The following EPHX1 variants were observed in gnomAD, a reference collection of about 807,000 sequenced individuals.
The protein encoded by EPHX1 is epoxide hydrolase 1, also known as epoxide hydratase.
EPHX1 carries 40 observed loss-of-function variants against 43.2 expected under a neutral mutation model. The ratio of observed to expected loss-of-function variants is 0.93; its 90% CI spans 0.72 to 1.21. The LOEUF (loss-of-function observed/expected upper bound fraction) is 1.21, where lower values mean the gene tolerates loss of function less well. Ranked by LOEUF, EPHX1 falls within the 50% of genes most tolerant of loss-of-function variation. The pLI, the probability that EPHX1 is intolerant of heterozygous loss-of-function variation, is 0.00. For missense variants in EPHX1, 550 were observed against 570.4 expected, an observed-to-expected ratio of 0.96 and a Z score of 0.36; for synonymous variants, 221 against 226.7, an observed-to-expected ratio of 0.98 and a Z score of 0.22.
chr1:225,829,423 G>C (rs1050416597), intron 2 of EPHX1, among the ~76,000 whole-genome samples: 2 of 152,210 alleles, frequency 1.3e-5, no homozygotes, highest in African/African-American at 4.8e-5. Flanking sequence ...AAGCTCAGGG[G>C]CATAAAGCAA....
Position 225,817,703 on chromosome 1 carries a change from A to G in EPHX1, c.-6+7534A>G, listed in dbSNP as rs1666789689. ...GGCTTTTCACGCTGCTGTGAGTCTCAGTCACTATTAGAGAAACACAGTCAG... is the reference window on the plus strand; with the variant it reads ...GGCTTTTCACGCTGCTGTGAGTCTCGGTCACTATTAGAGAAACACAGTCAG... On this transcript the variant is annotated intron_variant, in intron 1 of 8. Transcript: ENST00000272167. The surrounding 1 kb of genome is among the most constrained non-coding windows in gnomAD (Gnocchi z 5.7). 6.6e-6 allele frequency among the ~76,000 whole-genome samples: 1 copy of G among 152,208 alleles called. No individual in the cohort carries two copies. Among genetic ancestry groups the G allele is most frequent in the South Asian group, 2.1e-4 (1 of 4,838 alleles).
In EPHX1 at chr1:225,833,271, A is replaced by T. The variant is rs1667719921; in HGVS notation, c.364+1312A>T. On this transcript the variant is annotated intron_variant, in intron 3 of 8. Transcript: ENST00000272167. ...GAAGATTTTAATTTGTTAAAATTCTAGGAATTACTTAAAGTGTATGAAAGA... is the reference window on the plus strand; with the variant it reads ...GAAGATTTTAATTTGTTAAAATTCTTGGAATTACTTAAAGTGTATGAAAGA... 2.6e-5 allele frequency among the ~76,000 whole-genome samples: 4 copies of T among 152,264 alleles called. No homozygotes were observed. In the South Asian group the frequency reaches 8.3e-4, roughly 31 times the overall value.
chr1:225,826,270 C>T (rs936304181), intron 1 of EPHX1, among the ~76,000 whole-genome samples: 8 of 151,956 alleles, frequency 5.3e-5, no homozygotes, highest in Non-Finnish European at 1.0e-4. Context: ...TTGAGACCAG[C>T]CTGGCCAACA....
chr1:225,839,925 CCTCA>C lies in EPHX1; in HGVS notation c.822_825del (p.Thr275ArgfsTer18), dbSNP rs757685944. 3.1e-6 allele frequency: 5 copies of C among 1,614,256 alleles called. No individual in the cohort carries two copies. Among genetic ancestry groups the C allele is most frequent in the Non-Finnish European group, 4.2e-6 (5 of 1,180,048 alleles). On this transcript the variant is annotated frameshift_variant, in exon 6 of 9. Coordinates refer to ENST00000272167, the MANE Select transcript of EPHX1 (RefSeq NM_001136018.4). LOFTEE classifies it high-confidence loss of function. ...GACAGCGTTTCGGGAGGTTTCTTGG[CCTCA>C]CTGAGAGGGATGTGGAGCTGCTGTA...
At chr1:225,842,949 ACT>A (rs1235556697) in intron 7 of EPHX1, among the ~76,000 whole-genome samples, 4 of 152,124 alleles carry the variant, frequency 2.6e-5, no homozygotes, top group Non-Finnish European at 5.9e-5. Flanking sequence ...CTGTGGCCTG[ACT>A]CAGGCTTCAC....
chr1:225,829,903 G>A (rs762790386), intron 2 of EPHX1, among the ~76,000 whole-genome samples: 23 of 151,924 alleles, frequency 1.5e-4, no homozygotes, highest in Non-Finnish European at 2.1e-4. Flanking sequence ...GTGAAACCCC[G>A]TCTCTACTAA....
intron 3 of EPHX1, among the ~76,000 whole-genome samples, chr1:225,837,168 A>G (rs41410550): frequency 0.051 from 7,735 of 152,334 alleles, 231 homozygotes; most frequent in African/African-American, 0.076. Context: ...TGTTTTCTTT[A>G]GAGAGTGGGA....
Position 225,839,206 on chromosome 1 carries a change from A to G in EPHX1, c.593-11A>G. ...ACTCCGTGACTCCATGCCTTTCCCC[A>G]TCACTGCCAGGGTTCAACTCGGTGG... On this transcript the variant is annotated splice_polypyrimidine_tract_variant and intron_variant, in intron 4 of 8. Coordinates refer to ENST00000272167, the MANE Select transcript of EPHX1 (RefSeq NM_001136018.4). 2.5e-6 allele frequency: 4 copies of G among 1,613,984 alleles called. No individual in the cohort carries two copies. The highest frequency in any genetic ancestry group is 3.4e-6 in the Non-Finnish European group (4 of 1,180,004).
At position 225,845,224 on chromosome 1, in the gene EPHX1, C is replaced by G. The variant is rs759386862; in HGVS notation, c.1245C>G (p.Phe415Leu). 1.9e-6 allele frequency: 3 copies of G among 1,614,120 alleles called. 1 individual carries two copies. The South Asian group carries it at 3.3e-5, about 18-fold the overall frequency. The change falls in exon 9 of 9, where the codon TTC (phenylalanine) becomes TTG (leucine). Residue 415 changes from phenylalanine to leucine, a missense_variant. Transcript: ENST00000272167. ...LLHTPEKWVR[F>L]KYPKLISYSY... The stretch of plus-strand genomic sequence containing the variant: ...ACACGCCTGAAAAGTGGGTGAGGTT[C>G]AAGTACCCAAAGCTCATCTCCTATT...
chr1:225,827,020 G>C (rs1244598733), intron 1 of EPHX1, among the ~76,000 whole-genome samples: 1 of 152,160 alleles, frequency 6.6e-6, no homozygotes, highest in African/African-American at 2.4e-5. Flanking sequence ...ATCGCCCTGG[G>C]TGGATTTCTG....
At position 225,839,342 on chromosome 1, in the gene EPHX1, C is replaced by G. The variant is rs1198876640; in HGVS notation, c.718C>G (p.Pro240Ala). The stretch of plus-strand genomic sequence containing the variant: ...CTGCACTAATATGGCCCAGCTGGTG[C>G]CCAGGTGAGGTCACTGTTGGGGTGG... ...LICTNMAQLVPSHVKGLHLNM... is the reference protein window; with the variant it reads ...LICTNMAQLVASHVKGLHLNM... Residue 240 changes from proline (P) to alanine (A), a missense_variant, in exon 5 of 9, where the codon CCC becomes GCC. Transcript: ENST00000272167. 8.1e-6 allele frequency: 13 copies of G among 1,612,466 alleles called. No homozygotes were observed. The highest frequency in any genetic ancestry group is 1.1e-5 in the South Asian group (1 of 91,006).
chr1:225,817,304 C>T lies in EPHX1; in HGVS notation c.-6+7135C>T, dbSNP rs1666769601. Among the ~76,000 whole-genome samples, 1 of 152,190 alleles carries T rather than the reference C, an allele frequency of 6.6e-6. No individual in the cohort carries two copies. The highest frequency in any genetic ancestry group is 1.5e-5 in the Non-Finnish European group (1 of 68,014). ...AGTGGGGCTGGGAGCTTCAGGATGGCTTTTGGGAAGCCCCTGGGAGCCCCA... is the reference window on the plus strand; with the variant it reads ...AGTGGGGCTGGGAGCTTCAGGATGGTTTTTGGGAAGCCCCTGGGAGCCCCA... On this transcript the variant is annotated intron_variant, in intron 1 of 8. Coordinates refer to ENST00000272167, the MANE Select transcript of EPHX1 (RefSeq NM_001136018.4). The surrounding 1 kb of genome is among the most constrained non-coding windows in gnomAD (Gnocchi z 5.7).
At chr1:225,837,815 A>G (rs575716947) in intron 3 of EPHX1, among the ~76,000 whole-genome samples, 127 of 152,310 alleles carry the variant, frequency 8.3e-4, no homozygotes, top group African/African-American at 2.5e-3. Context: ...CCACCACACC[A>G]GGCCCAAAAA....
At chr1:225,832,723 T>C (rs765537617) in intron 3 of EPHX1, among the ~76,000 whole-genome samples, 8 of 152,218 alleles carry the variant, frequency 5.3e-5, no homozygotes, top group Non-Finnish European at 1.0e-4. Context: ...TTTTCCTTTC[T>C]TTTTTTCGGT....
At chr1:225,840,445 C>T (rs1301313215) in intron 6 of EPHX1, among the ~76,000 whole-genome samples, 3 of 152,104 alleles carry the variant, frequency 2.0e-5, no homozygotes, top group Non-Finnish European at 4.4e-5. Flanking sequence ...TGAGGGAGGG[C>T]CCAGCAACCA....
At chr1:225,843,471 G>A (rs1255285287) in intron 7 of EPHX1, among the ~76,000 whole-genome samples, 1 of 152,180 alleles carries the variant, frequency 6.6e-6, no homozygotes, top group Non-Finnish European at 1.5e-5. Flanking sequence ...GCCTTCGTCT[G>A]GGATCTGTTT....
In EPHX1 at chr1:225,842,346, T is replaced by TGCTCCCC. The variant is rs780293578; in HGVS notation, c.932-10_932-4dup. 11 of 1,557,126 alleles carry TGCTCCCC rather than the reference T, an allele frequency of 7.1e-6. No individual in the cohort carries two copies. Among genetic ancestry groups the TGCTCCCC allele is most frequent in the Non-Finnish European group, 8.0e-6 (9 of 1,128,152 alleles). On this transcript the variant is annotated intron_variant, in intron 6 of 8. Coordinates refer to ENST00000272167, the MANE Select transcript of EPHX1 (RefSeq NM_001136018.4). ...GGTCCCCAGGCCTGAGTCTCTCCCTTGCTCCCCGCTCCCCGCCAGGCTCTG... is the reference window on the plus strand; with the variant it reads ...GGTCCCCAGGCCTGAGTCTCTCCCTTGCTCCCCGCTCCCCGCTCCCCGCCAGGCTCTG...
intron 1 of EPHX1, among the ~76,000 whole-genome samples, chr1:225,824,190 T>C (rs1331361829): frequency 6.6e-6 from 1 of 151,090 alleles, no homozygotes; most frequent in Non-Finnish European, 1.5e-5. Flanking sequence ...ACCCACCAGA[T>C]AGGGGAGGGT....
intron 1 of EPHX1, among the ~76,000 whole-genome samples, chr1:225,827,698 ATG>A (rs890207992): frequency 6.6e-6 from 1 of 152,220 alleles, no homozygotes; most frequent in Non-Finnish European, 1.5e-5. Context: ...GCCGATGAAA[ATG>A]TTCTACAGTT....
Sources: gnomAD v4.1 joint callset for allele counts (sites outside exome capture counted in the v4.1 genomes callset) on GRCh38, gnomAD v4.1.1 for gene constraint, Gnocchi (gnomAD v3.1) non-coding constraint, MANE v1.5 for transcripts, NCBI Gene and HGNC (gene_info 2026-07-23, HGNC 2026-07-21) for gene names.